Variants in GPLD1 observed in about 807,000 individuals in gnomAD.
GPLD1 encodes phosphatidylinositol-glycan-specific phospholipase D.
GPLD1 carries 84 observed loss-of-function variants against 112.6 expected under a neutral mutation model. The ratio of observed to expected loss-of-function variants is 0.75; its 90% confidence interval spans 0.63 to 0.89. The LOEUF is 0.89. Ranked by LOEUF, GPLD1 falls within the 40% of genes least tolerant of loss-of-function variation. GPLD1 has a pLI of 0.00. For synonymous variants in GPLD1, 386 were observed against 403.8 expected, an observed-to-expected ratio of 0.96 and a Z score of 0.53; for missense variants, 1,044 against 1,051.5, an observed-to-expected ratio of 0.99 and a Z score of 0.10.
chr6:24,481,657 C>T (rs1764208146), intron 2 of GPLD1, among the ~76,000 whole-genome samples: 1 of 152,128 alleles, frequency 6.6e-6, no homozygotes, highest in Admixed American at 6.6e-5. Context: ...CCCAAGACTT[C>T]TCCACTAGAG....
In GPLD1 at chr6:24,466,732, A is replaced by T. The variant is rs200207444; in HGVS notation, c.769T>A (p.Trp257Arg). 2 of 1,611,970 alleles carry T rather than the reference A, an allele frequency of 1.2e-6. No homozygotes were observed. Among genetic ancestry groups the T allele is most frequent in the Middle Eastern group, 1.6e-4 (1 of 6,062 alleles). ...GTTAGATGGTAAATATTAGTGGACCAAAATGCCATATCATCCAGTCCTCCA... is the reference window on the plus strand; with the variant it reads ...GTTAGATGGTAAATATTAGTGGACCTAAATGCCATATCATCCAGTCCTCCA... ...FLGGLDDMAFWSTNIYHLTSF... is the reference protein window; with the variant it reads ...FLGGLDDMAFRSTNIYHLTSF... The change falls in exon 10 of 25, where the codon TGG becomes AGG. Residue 257 changes from tryptophan (W) to arginine (R), a missense_variant. Physicochemically the swap from Trp to Arg is moderately radical, Grantham distance 101. Coordinates refer to ENST00000230036, the MANE Select transcript of GPLD1 (RefSeq NM_001503.4).
intron 6 of GPLD1, chr6:24,473,120 A>G (rs1228113999): frequency 1.3e-5 from 2 of 151,412 alleles, no homozygotes; most frequent in East Asian, 3.8e-4. Context: ...TATCTTTTAA[A>G]AATCTTAGTT....
At chr6:24,431,420 T>C (rs1762400466) in intron 24 of GPLD1, among the ~76,000 whole-genome samples, 1 of 152,230 alleles carries the variant, frequency 6.6e-6, no homozygotes, top group Non-Finnish European at 1.5e-5. Context: ...TGACTTTCCA[T>C]GTATATGAAT....
At chr6:24,489,154 C>G (rs1245840154) in intron 1 of GPLD1, among the ~76,000 whole-genome samples, 1 of 152,220 alleles carries the variant, frequency 6.6e-6, no homozygotes, top group Non-Finnish European at 1.5e-5. Flanking sequence ...CACTATTTCC[C>G]CACCCAGAGA....
chr6:24,432,274 G>C lies in GPLD1; in HGVS notation c.2436+913C>G, dbSNP rs559704803. On this transcript the variant is annotated intron_variant, in intron 24 of 24. Transcript: ENST00000230036. ...AAAAAAAAAAAAAAAAAAAAGGTGT[G>C]TGTGTGTATCTCTGAAGCCATAGAA... Among the ~76,000 whole-genome samples the C allele has an allele frequency of 4.8e-5, 7 of 146,442 alleles. No individual in the cohort carries two copies. The East Asian group carries it at 1.4e-3, about 29-fold the overall frequency.
intron 2 of GPLD1, among the ~76,000 whole-genome samples, chr6:24,483,913 T>C (rs1208999370): frequency 6.6e-6 from 1 of 151,430 alleles, no homozygotes; most frequent in Non-Finnish European, 1.5e-5. Flanking sequence ...TGTTTTGTTT[T>C]GTTTTGTTTT....
chr6:24,446,201 G>C (rs1380423358), intron 18 of GPLD1, among the ~76,000 whole-genome samples: 1 of 152,126 alleles, frequency 6.6e-6, no homozygotes, highest in Non-Finnish European at 1.5e-5. Flanking sequence ...AGGTGATTAA[G>C]TTACGATGAG....
At chr6:24,447,777 G>T in intron 17 of GPLD1, 100 bp downstream of exon 17, 1 of 1,082,040 alleles carries the variant, frequency 9.2e-7, no homozygotes, top group Non-Finnish European at 1.3e-6. Context: ...TTGGTGAAAT[G>T]ATATGGAATA....
chr6:24,441,134 C>G (rs919094260), intron 20 of GPLD1, among the ~76,000 whole-genome samples: 4 of 117,448 alleles, frequency 3.4e-5, no homozygotes, highest in Non-Finnish European at 7.6e-5. Context: ...GAAACTCCAT[C>G]TCTACTAAAA....
At position 24,449,893 on chromosome 6, in the gene GPLD1, C is replaced by A; in HGVS notation, c.1342G>T (p.Gly448Cys). The A allele has an allele frequency of 1.2e-6, 2 of 1,612,276 alleles. No individual in the cohort carries two copies. The highest frequency in any genetic ancestry group is 1.1e-5 in the South Asian group (1 of 91,020). The change falls in exon 15 of 25, where the codon GGT (glycine) becomes TGT (cysteine). Residue 448 changes from glycine to cysteine, a missense_variant. Transcript: ENST00000230036. ...HRILEGFQPS[G>C]RFGSALAVLD... Reference sequence around the variant, plus strand: ...ACAGCCAAGGCCGAGCCAAACCGACCTGAGGGCTGAAGAGGCACAAGTTTA... The same window carrying A: ...ACAGCCAAGGCCGAGCCAAACCGACATGAGGGCTGAAGAGGCACAAGTTTA...
rs1277467889 is a variant in GPLD1 at position 24,449,969 on chromosome 6, G to A, written c.1336-70C>T. ...CGGAAAGAGCACTCCTGACCCCCAG[G>A]GAGTAGAGAGGCCTGGGACAACCCC... is the stretch of plus-strand genomic sequence containing the variant. On this transcript the variant is annotated intron_variant, in intron 14 of 24. Transcript: ENST00000230036. 3.7e-6 allele frequency: 4 copies of A among 1,072,980 alleles called. No homozygotes were observed. The African/African-American group carries it at 4.7e-5, about 13-fold the overall frequency. The allele number at this position is 1,072,980 out of a possible 1,614,324, so 66.5% of individuals were successfully genotyped here.
rs754448798 is a variant in GPLD1 at position 24,445,636 on chromosome 6, T to G, written c.1930A>C (p.Met644Leu). 2 of 1,612,818 alleles carry G rather than the reference T, an allele frequency of 1.2e-6. No individual in the cohort carries two copies. The highest frequency in any genetic ancestry group is 1.7e-6 in the Non-Finnish European group (2 of 1,178,836). Residue 644 changes from methionine to leucine, a missense_variant, in exon 20 of 25, where the codon ATG becomes CTG. Met to Leu is a conservative substitution (Grantham distance 15, BLOSUM62 2). Transcript: ENST00000230036. ...SWFTISGDKA[M>L]GKLGTSLSSG... ...GAAAGGGAAGTACCCAGTTTCCCCA[T>G]TGCCTGTGAGACACAATAAATCAAT...
rs1228915497 is a variant in GPLD1, at chr6:24,446,905, G to C, written c.1753C>G (p.His585Asp). Residue 585 changes from histidine (H) to aspartate (D), a missense_variant, in exon 18 of 25, where the codon CAC becomes GAC. Transcript: ENST00000230036. The part of the protein sequence containing the change: ...EDFSWFGYSL[H>D]GVTVDNRTLL... ...GTTCTGTTGTCCACAGTGACACCGT[G>C]AAGGGAATATCCAAACCAGGAGAAG... 6.2e-7 allele frequency: 1 copy of C among 1,613,970 alleles called. No homozygotes were observed. Among genetic ancestry groups the C allele is most frequent in the African/African-American group, 1.3e-5 (1 of 74,926 alleles).
chr6:24,481,750 G>C (rs1436476189), intron 2 of GPLD1, among the ~76,000 whole-genome samples: 1 of 152,112 alleles, frequency 6.6e-6, no homozygotes, highest in Non-Finnish European at 1.5e-5. Flanking sequence ...CACGTGGAGA[G>C]ATATAGAAAC....
chr6:24,452,773 CA>C (rs57715891), intron 14 of GPLD1, among the ~76,000 whole-genome samples: 32,149 of 136,348 alleles, frequency 0.24, 4,056 homozygotes, highest in African/African-American at 0.38. Flanking sequence ...GAGTTTATCT[CA>C]AAAAAAAAAA....
rs1350695391 is a variant in GPLD1, at chr6:24,449,786, T to A, written c.1446+3A>T. 7.5e-6 allele frequency: 12 copies of A among 1,599,224 alleles called. No homozygotes were observed. Among genetic ancestry groups the A allele is most frequent in the South Asian group, 2.2e-5 (2 of 90,500 alleles). On this transcript the variant is annotated splice_donor_region_variant and intron_variant, in intron 15 of 24. Transcript: ENST00000230036. ...CTCCAACCCTATCCAGCAGCAGCCT[T>A]ACTTTGTAGGTGAGCTGCTCGGAGC...
At chr6:24,449,932 G>A in intron 14 of GPLD1, 33 bp from the exon 15 acceptor site, 1 of 1,483,450 alleles carries the variant, frequency 6.7e-7, no homozygotes. Context: ...CCCCTGGGCT[G>A]AGCCACGGCC....
intron 10 of GPLD1, among the ~76,000 whole-genome samples, chr6:24,465,552 C>T (rs1763577515): frequency 6.6e-6 from 1 of 151,462 alleles, no homozygotes; most frequent in South Asian, 2.1e-4. Context: ...AAACAAAAAA[C>T]AAAAACACAT....
rs377635467 is a variant in GPLD1 at position 24,462,751 on chromosome 6, C to T, written c.866G>A (p.Gly289Asp). 1.2e-5 allele frequency: 19 copies of T among 1,613,190 alleles called. No homozygotes were observed. In the African/African-American group the frequency reaches 2.5e-4, roughly 22 times the overall value. The change falls in exon 11 of 25, where the codon GGC (glycine) becomes GAC (aspartate). Residue 289 changes from glycine to aspartate, a missense_variant. Gly to Asp is a moderately conservative substitution (Grantham distance 94). Transcript: ENST00000230036. ...TTACCCCTGGGTGTGGTTTTGCTGGCCGCCACATGCAATGAACAGAGGGTT... is the reference window on the plus strand; with the variant it reads ...TTACCCCTGGGTGTGGTTTTGCTGGTCGCCACATGCAATGAACAGAGGGTT... ...PENPLFIACGGQQNHTQGSKM... is the reference protein window; with the variant it reads ...PENPLFIACGDQQNHTQGSKM...
Sources: gnomAD v4.1 joint callset for allele counts (sites outside exome capture counted in the v4.1 genomes callset) on GRCh38, gnomAD v4.1.1 for gene constraint, MANE v1.5 for transcripts, NCBI Gene and HGNC (gene_info 2026-07-23, HGNC 2026-07-21) for gene names.